Variants in PAK5 observed in about 807,000 individuals in gnomAD.
The protein encoded by PAK5 is p21 (RAC1) activated kinase 5, also known as serine/threonine-protein kinase PAK 5.
In PAK5, 16 loss-of-function variants were observed where a neutral mutation model predicts 65.9. The observed-to-expected ratio is 0.24, with a 90% CI of 0.16 to 0.37. The LOEUF (loss-of-function observed/expected upper bound fraction) is 0.37. Ranked by LOEUF, PAK5 falls within the 10% of genes least tolerant of loss-of-function variation. The pLI is 1.00. For synonymous variants in PAK5, 371 were observed against 354.9 expected (o/e 1.05, Z -0.51); for missense variants, 785 against 903.9 (o/e 0.87, Z 1.69).
intron 1 of PAK5, among the ~76,000 whole-genome samples, chr20:9,790,385 G>T: frequency 6.6e-6 from 1 of 152,230 alleles, no homozygotes; most frequent in Non-Finnish European, 1.5e-5. Flanking sequence ...AAGAGGAAAA[G>T]AGGGGAGAGG....
At chr20:9,673,202 C>T (rs1031161181) in intron 2 of PAK5, among the ~76,000 whole-genome samples, 1 of 152,056 alleles carries the variant, frequency 6.6e-6, no homozygotes, top group African/African-American at 2.4e-5. Flanking sequence ...AGAAACCTGG[C>T]ACCTAATCCT....
chr20:9,678,765 T>G (rs1206105583), intron 2 of PAK5, among the ~76,000 whole-genome samples: 1 of 152,058 alleles, frequency 6.6e-6, no homozygotes, highest in Non-Finnish European at 1.5e-5. Flanking sequence ...ATAAAACCAT[T>G]AAATCTCATG....
chr20:9,722,133 GAACTGAGT>G (rs773308843), intron 1 of PAK5, among the ~76,000 whole-genome samples: 1 of 152,152 alleles, frequency 6.6e-6, no homozygotes, highest in Non-Finnish European at 1.5e-5. Flanking sequence ...AAACTTGAAT[GAACTGAGT>G]GAGTGAGTGA....
intron 2 of PAK5, among the ~76,000 whole-genome samples, chr20:9,655,638 G>A (rs1228828764): frequency 6.6e-6 from 1 of 152,118 alleles, no homozygotes; most frequent in Non-Finnish European, 1.5e-5. Context: ...TCTGCTAGAT[G>A]TATCTATCAT....
chr20:9,702,642 C>A (rs965671348), intron 2 of PAK5, among the ~76,000 whole-genome samples: 5 of 152,166 alleles, frequency 3.3e-5, no homozygotes, highest in Admixed American at 2.0e-4. Flanking sequence ...TGGTTTATAA[C>A]CCTTCAGTTG....
intron 1 of PAK5, among the ~76,000 whole-genome samples, chr20:9,768,862 C>A (rs2123670941): frequency 7.9e-6 from 1 of 126,416 alleles, no homozygotes; most frequent in African/African-American, 2.9e-5. Flanking sequence ...TCTGGCCTAA[C>A]TTAAACAAGA....
intron 1 of PAK5, among the ~76,000 whole-genome samples, chr20:9,716,288 T>C (rs900013584): frequency 2.0e-5 from 3 of 152,196 alleles, no homozygotes; most frequent in Non-Finnish European, 4.4e-5. Flanking sequence ...GCTTTTCAAT[T>C]AGTTCAAAAT....
chr20:9,633,372 A>T (rs2046945993), intron 3 of PAK5, among the ~76,000 whole-genome samples: 1 of 152,000 alleles, frequency 6.6e-6, no homozygotes, highest in East Asian at 1.9e-4. Context: ...TCACTCCATT[A>T]CCCTGTCTCT....
chr20:9,712,938 T>C (rs1391077213), intron 1 of PAK5, among the ~76,000 whole-genome samples: 1 of 151,964 alleles, frequency 6.6e-6, no homozygotes, highest in East Asian at 1.9e-4. Context: ...TGAGAAAACA[T>C]TACAAGACAT....
At chr20:9,604,182 A>G (rs2046410053) in intron 3 of PAK5, among the ~76,000 whole-genome samples, 2 of 152,148 alleles carry the variant, frequency 1.3e-5, no homozygotes, top group South Asian at 4.2e-4. Context: ...AATGACAAAT[A>G]TCAGAGCCCC....
intron 3 of PAK5, among the ~76,000 whole-genome samples, chr20:9,608,249 G>A (rs1469140329): frequency 6.6e-6 from 1 of 152,196 alleles, no homozygotes. Flanking sequence ...ATAGCAGGTA[G>A]GTAACACACT....
chr20:9,790,331 A>G (rs939142074), intron 1 of PAK5, among the ~76,000 whole-genome samples: 3 of 152,110 alleles, frequency 2.0e-5, no homozygotes, highest in Non-Finnish European at 2.9e-5. Flanking sequence ...AGCAAACAGT[A>G]TAAAGGGGCC....
rs74470814 is a variant in PAK5, at chr20:9,778,851, C to G, written c.-162+59911G>C. ...AAAGTGAACTCTCAGGAAACCGCAA[C>G]GTAAGTTGAGGTAGAGAACATTTTG... is the stretch of plus-strand genomic sequence containing the variant. On this transcript the variant is annotated intron_variant, in intron 1 of 9. Coordinates refer to ENST00000353224, the MANE Select transcript of PAK5 (RefSeq NM_177990.4). 8.3e-4 allele frequency among the ~76,000 whole-genome samples: 126 copies of G among 152,210 alleles called. 4 individuals are homozygous for G. The East Asian group carries it at 0.022, about 26-fold the overall frequency.
rs1246645290 is a variant in PAK5 at position 9,556,362 on chromosome 20, A to G, written c.1743+1246T>C. Among the ~76,000 whole-genome samples, 16 of 152,198 alleles carry G rather than the reference A, an allele frequency of 1.1e-4. 1 individual carries two copies. Among genetic ancestry groups the G allele is most frequent in the Admixed American group, 1.0e-3 (16 of 15,284 alleles). ...AGTTTACTACATTTTCTACAATAAT[A>G]TTTACAATCTTTTTAAAACAACAAG... On this transcript the variant is annotated intron_variant, in intron 7 of 9. Coordinates refer to ENST00000353224, the MANE Select transcript of PAK5 (RefSeq NM_177990.4).
chr20:9,575,825 G>C (rs1383686886), intron 4 of PAK5: 1 of 152,200 alleles, frequency 6.6e-6, no homozygotes, highest in Admixed American at 6.5e-5. Flanking sequence ...CTACGGAAAT[G>C]AGAATATTCT....
chr20:9,620,563 A>C (rs1015301839), intron 3 of PAK5, among the ~76,000 whole-genome samples: 1 of 152,308 alleles, frequency 6.6e-6, no homozygotes, highest in Non-Finnish European at 1.5e-5. Flanking sequence ...TGGATGGGGA[A>C]GAGGTTGCGC....
intron 2 of PAK5, among the ~76,000 whole-genome samples, chr20:9,675,822 T>G (rs2047562932): frequency 1.3e-5 from 2 of 152,246 alleles, no homozygotes; most frequent in African/African-American, 4.8e-5. Flanking sequence ...TGATACCATG[T>G]GTCTTGCTGC....
intron 1 of PAK5, among the ~76,000 whole-genome samples, chr20:9,752,848 G>A (rs1292621085): frequency 2.6e-5 from 4 of 152,076 alleles, no homozygotes; most frequent in Non-Finnish European, 4.4e-5. Flanking sequence ...TCTAGGCTTG[G>A]CTATGTGACT....
At chr20:9,554,110 A>G (rs1012476399) in intron 7 of PAK5, among the ~76,000 whole-genome samples, 2 of 152,198 alleles carry the variant, frequency 1.3e-5, no homozygotes, top group African/African-American at 4.8e-5. Context: ...AGAGAACCCA[A>G]TATCTCTTGT....
Sources: allele counts gnomAD v4.1 joint callset (sites outside exome capture counted in the v4.1 genomes callset), GRCh38; gene constraint gnomAD v4.1.1; transcripts MANE v1.5; gene names NCBI Gene and HGNC (gene_info 2026-07-23, HGNC 2026-07-21).